USP42: variants seen among roughly 807,000 people sequenced by gnomAD.
USP42 encodes ubiquitin carboxyl-terminal hydrolase 42.
USP42 carries 23 observed loss-of-function variants against 113.0 expected under a neutral mutation model. That is an observed-to-expected ratio of 0.20 (90% confidence interval 0.15 to 0.29). USP42 has a LOEUF of 0.29. USP42 is among the 10% of genes least tolerant of loss of function. USP42 has a pLI of 1.00. For synonymous variants in USP42, 933 were observed against 699.0 expected (o/e 1.33, Z -5.28); for missense variants, 2,174 against 1,779.8 (o/e 1.22, Z -3.99).
At chr7:6,112,229 A>G (rs1779634537) in intron 2 of USP42, among the ~76,000 whole-genome samples, 1 of 152,066 alleles carries the variant, frequency 6.6e-6, no homozygotes, top group Non-Finnish European at 1.5e-5. Flanking sequence ...CAGGTGGATC[A>G]CCTGAGGTCA....
At chr7:6,103,861 C>G (rs1779099381), upstream of USP42, among the ~76,000 whole-genome samples, 1 of 151,112 alleles carries the variant, frequency 6.6e-6, no homozygotes, top group Non-Finnish European at 1.5e-5. Context: ...TTAGACCTGC[C>G]CGGGCAACAG....
the USP42 span, among the ~76,000 whole-genome samples, chr7:6,095,829 C>T: frequency 6.6e-6 from 1 of 150,980 alleles, no homozygotes; most frequent in East Asian, 1.9e-4. Context: ...GTGGTGTGGT[C>T]ACATCTCACT....
In USP42 at chr7:6,139,373, T is replaced by G. The variant is rs1362800732; in HGVS notation, c.656+179T>G. 6 of 497,330 alleles carry G rather than the reference T, an allele frequency of 1.2e-5. No homozygotes were observed. The highest frequency in any genetic ancestry group is 2.0e-5 in the African/African-American group (1 of 50,036). 30.8% of individuals were successfully genotyped at this position (497,330 alleles called of 1,614,324 possible). ...TGCATTATTTTAAAATGGTTGAAAT[T>G]TACACGTGTGTCTTACGTAACAGTT... On this transcript the variant is annotated intron_variant, in intron 5 of 17. Coordinates refer to ENST00000306177, the MANE Select transcript of USP42 (RefSeq NM_032172.3). This position sits in a 1 kb window ranked among gnomAD's most constrained non-coding sequence, Gnocchi z 4.5.
chr7:6,112,773 A>G (rs1412628595), intron 2 of USP42, among the ~76,000 whole-genome samples: 1 of 151,626 alleles, frequency 6.6e-6, no homozygotes, highest in Non-Finnish European at 1.5e-5. Flanking sequence ...TGTTAGTGTT[A>G]GTGTATTTTA....
At chr7:6,107,405 T>A (rs1180565851) in intron 1 of USP42, among the ~76,000 whole-genome samples, 1 of 147,152 alleles carries the variant, frequency 6.8e-6, no homozygotes, top group Non-Finnish European at 1.5e-5. Context: ...TTCTTCTTCC[T>A]TTTCTTTTTT....
chr7:6,105,541 C>T lies in USP42; in HGVS notation c.-10+509C>T, dbSNP rs528673568. Among the ~76,000 whole-genome samples, 6 of 151,658 alleles carry T rather than the reference C, an allele frequency of 4.0e-5. No homozygotes were observed. The East Asian group carries it at 1.2e-3, about 30-fold the overall frequency. Reference sequence around the variant, plus strand: ...AGAGCCCCGGGCCGGCCTCCCCGCCCCCACTGCATCCCTAACAGAGGCAAA... The same window carrying T: ...AGAGCCCCGGGCCGGCCTCCCCGCCTCCACTGCATCCCTAACAGAGGCAAA... On this transcript the variant is annotated intron_variant, in intron 1 of 17. Coordinates refer to ENST00000306177, the MANE Select transcript of USP42 (RefSeq NM_032172.3).
At position 6,154,905 on chromosome 7, in the gene USP42, C is replaced by A. The variant is rs756518825; in HGVS notation, c.3351C>A (p.Pro1117=). The change falls in exon 15 of 18, where the codon CCC becomes CCA. Residue 1117 remains proline, a synonymous_variant. Transcript: ENST00000306177. Reference sequence around the variant, plus strand: ...GGGAGCGGCACCGCCCCAGCAGCCCCCGCGCAGGCGCGCCCCACGCCCTCG... The same window carrying A: ...GGGAGCGGCACCGCCCCAGCAGCCCACGCGCAGGCGCGCCCCACGCCCTCG... ...RERERHRPSS[P]RAGAPHALAP... 12 of 1,545,638 alleles carry A rather than the reference C, an allele frequency of 7.8e-6. No homozygotes were observed. The highest frequency in any genetic ancestry group is 1.0e-5 in the Non-Finnish European group (12 of 1,144,198).
At position 6,150,516 on chromosome 7, in the gene USP42, G is replaced by A. The variant is rs760316781; in HGVS notation, c.2201+10G>A. ...CGACGGATGAAATGAGGTAACGTAA[G>A]AGTACATCTGAGGCACGTGTGGCAG... is the stretch of plus-strand genomic sequence containing the variant. On this transcript the variant is annotated intron_variant, in intron 14 of 17. Coordinates refer to ENST00000306177, the MANE Select transcript of USP42 (RefSeq NM_032172.3). 1.3e-5 allele frequency: 21 copies of A among 1,611,914 alleles called. No homozygotes were observed. Among genetic ancestry groups the A allele is most frequent in the East Asian group, 4.5e-5 (2 of 44,832 alleles).
At chr7:6,104,277 T>C (rs1485003729), upstream of USP42, among the ~76,000 whole-genome samples, 1 of 150,980 alleles carries the variant, frequency 6.6e-6, no homozygotes, top group Non-Finnish European at 1.5e-5. Context: ...AGAGACAGGG[T>C]TTCACCATGC....
Position 6,160,653 on chromosome 7 carries a change from C to T in USP42, c.*135C>T, listed in dbSNP as rs1049109323. 1 of 152,652 alleles carries T rather than the reference C, an allele frequency of 6.6e-6. No homozygotes were observed. Among genetic ancestry groups the T allele is most frequent in the African/African-American group, 2.4e-5 (1 of 41,464 alleles). 9.5% of individuals were successfully genotyped at this position (152,652 alleles called of 1,614,324 possible). A position where few individuals can be genotyped will look rare whatever the true frequency, so the allele number is the denominator to read the frequency against. On this transcript the variant is annotated 3_prime_UTR_variant, in exon 18 of 18. Coordinates refer to ENST00000306177, the MANE Select transcript of USP42 (RefSeq NM_032172.3). ...CTGCGTGGTGCTTCTTTAGTAAATA[C>T]TGTACAGATTTTACCATGGAGAACT...
chr7:6,108,489 CT>C (rs1779415027), intron 1 of USP42, among the ~76,000 whole-genome samples: 1 of 152,076 alleles, frequency 6.6e-6, no homozygotes, highest in Admixed American at 6.6e-5. Context: ...TTACAGTATC[CT>C]TTTCTTTTAA....
intron 3 of USP42, among the ~76,000 whole-genome samples, 190 bp from the exon 4 acceptor site, chr7:6,135,651 C>CAAAAAAAAAAAAAAAAAAA (rs1173165919): frequency 6.2e-5 from 1 of 16,154 alleles, no homozygotes; most frequent in African/African-American, 1.7e-4. Context: ...GACTCCATCT[C>CAAAAAAAAAAAAAAAAAAA]AAAAAAAAAA....
At chr7:6,104,686 C>T (rs922176435), upstream of USP42, among the ~76,000 whole-genome samples, 10 of 152,196 alleles carry the variant, frequency 6.6e-5, no homozygotes, top group Non-Finnish European at 1.2e-4. Flanking sequence ...GCGACCAGCC[C>T]AGCCAATCAG....
chr7:6,142,787 G>C, intron 7 of USP42, 145 bp from the exon 8 acceptor site: 1 of 675,752 alleles, frequency 1.5e-6, no homozygotes, highest in Non-Finnish European at 2.6e-6. Context: ...GGGAGGCTGA[G>C]GTGAGAGGAT....
intron 2 of USP42, among the ~76,000 whole-genome samples, chr7:6,112,934 C>A (rs568241595): frequency 7.4e-6 from 1 of 135,108 alleles, no homozygotes; most frequent in Non-Finnish European, 1.5e-5. Context: ...GACAGAGTCT[C>A]GCTCTGTCGC....
rs1437541233 is a variant in USP42 at position 6,140,191 on chromosome 7, T to C, written c.720T>C (p.Ser240=). ...AGATATTTGGAGGATACCTAAGATC[T>C]AGAGGTAAGCTTTTGCTTATAAGTT... The part of the protein sequence containing the change: ...VCQIFGGYLR[S]RVKCLNCKGV... The change falls in exon 6 of 18, where the codon TCT becomes TCC. Residue 240 remains serine (S), a synonymous_variant. Coordinates refer to ENST00000306177, the MANE Select transcript of USP42 (RefSeq NM_032172.3). The C allele has an allele frequency of 1.2e-6, 2 of 1,613,060 alleles. No individual in the cohort carries two copies. The highest frequency in any genetic ancestry group is 1.3e-5 in the African/African-American group (1 of 74,890).
At chr7:6,156,710 G>C in intron 15 of USP42, 44 bp from the exon 16 acceptor site, 1 of 1,498,118 alleles carries the variant, frequency 6.7e-7, no homozygotes, top group Non-Finnish European at 8.9e-7. Context: ...GCTGCTGGTG[G>C]TTTTGTGTTT....
Position 6,154,172 on chromosome 7 carries a change from T to C in USP42, c.2618T>C (p.Val873Ala). 6.3e-7 allele frequency: 1 copy of C among 1,596,882 alleles called. No homozygotes were observed. The highest frequency in any genetic ancestry group is 1.1e-5 in the South Asian group (1 of 90,500). Reference protein sequence around the residue: ...SEEPCEQPLLVHPSGDHARDA... With the variant: ...SEEPCEQPLLAHPSGDHARDA... ...GAGCCCTGCGAGCAGCCACTCCTTG[T>C]TCACCCCAGCGGGGACCACGCCCGG... is the stretch of plus-strand genomic sequence containing the variant. Residue 873 changes from valine (V) to alanine (A), a missense_variant, in exon 15 of 18, where the codon GTT becomes GCT. Physicochemically the swap from Val to Ala is moderately conservative, Grantham distance 64. Transcript: ENST00000306177.
At chr7:6,101,252 G>A (rs1013770658), upstream of USP42, among the ~76,000 whole-genome samples, 4 of 151,002 alleles carry the variant, frequency 2.6e-5, no homozygotes, top group Admixed American at 6.6e-5. Context: ...GGAGGACCTG[G>A]GTGGGGCATT....
Sources: allele counts gnomAD v4.1 joint callset (sites outside exome capture counted in the v4.1 genomes callset), GRCh38; gene constraint gnomAD v4.1.1; non-coding constraint Gnocchi (gnomAD v3.1); transcripts MANE v1.5; gene names NCBI Gene and HGNC (gene_info 2026-07-23, HGNC 2026-07-21).